CA10: variants seen among roughly 807,000 people sequenced by gnomAD.
CA10 encodes the protein carbonic anhydrase 10 (inactive).
In CA10, 14 loss-of-function variants were observed where a neutral mutation model predicts 44.2. That is an observed-to-expected ratio of 0.32 (90% confidence interval 0.21 to 0.50). The LOEUF is 0.50. CA10 is among the 20% of genes least tolerant of loss of function. CA10 has a pLI of 0.99. For missense variants in CA10, 350 were observed against 409.7 expected (o/e 0.85, Z 1.26); for synonymous variants, 159 against 141.6 (o/e 1.12, Z -0.87).
At chr17:51,971,855 C>A (rs535449469) in intron 2 of CA10, among the ~76,000 whole-genome samples, 59 of 151,790 alleles carry the variant, frequency 3.9e-4, no homozygotes, top group African/African-American at 1.4e-3. Flanking sequence ...AAATATTTTT[C>A]TTAGAAATTA....
intron 4 of CA10, among the ~76,000 whole-genome samples, chr17:51,682,668 C>G (rs549982410): frequency 6.6e-6 from 1 of 152,324 alleles, no homozygotes; most frequent in African/African-American, 2.4e-5. Context: ...CCCCACCTAC[C>G]CATGGCCATA....
At chr17:51,649,583 C>T (rs1268837892) in intron 5 of CA10, among the ~76,000 whole-genome samples, 2 of 152,198 alleles carry the variant, frequency 1.3e-5, no homozygotes, top group Non-Finnish European at 2.9e-5. Context: ...GTTAACAAAG[C>T]GTTCTGGTGA....
chr17:51,797,362 GCACGCACA>G (rs974948027), intron 3 of CA10, among the ~76,000 whole-genome samples: 2 of 152,174 alleles, frequency 1.3e-5, no homozygotes, highest in Non-Finnish European at 2.9e-5. Context: ...ACGCACGCGT[GCACGCACA>G]CACGCACACC....
chr17:52,082,618 G>C (rs1303033103), intron 1 of CA10, among the ~76,000 whole-genome samples: 1 of 152,156 alleles, frequency 6.6e-6, no homozygotes, highest in Non-Finnish European at 1.5e-5. Flanking sequence ...TCAAGGGACA[G>C]AAGTATATAT....
At chr17:51,684,434 G>T (rs1914943492) in intron 4 of CA10, among the ~76,000 whole-genome samples, 5 of 152,192 alleles carry the variant, frequency 3.3e-5, no homozygotes. Flanking sequence ...TATCAGTGGG[G>T]TGCTATTGTC....
At chr17:51,806,459 G>A (rs1907142279) in intron 3 of CA10, among the ~76,000 whole-genome samples, 1 of 152,114 alleles carries the variant, frequency 6.6e-6, no homozygotes, top group Admixed American at 6.5e-5. Flanking sequence ...CTCGTTTGGT[G>A]GATTGCATGG....
At chr17:51,926,628 G>C (rs1007369039) in intron 3 of CA10, among the ~76,000 whole-genome samples, 2 of 152,170 alleles carry the variant, frequency 1.3e-5, no homozygotes, top group African/African-American at 2.4e-5. Flanking sequence ...AGCTTCCAGA[G>C]GCCTCCTTGG....
At chr17:52,072,876 G>A (rs570508902) in intron 1 of CA10, among the ~76,000 whole-genome samples, 2 of 152,206 alleles carry the variant, frequency 1.3e-5, no homozygotes, top group African/African-American at 2.4e-5. Context: ...TAGGTCCCAG[G>A]AAAATGAAAA....
rs917048578 is a variant in CA10, at chr17:51,921,687, G to A, written c.279+9303C>T. Among the ~76,000 whole-genome samples the A allele has an allele frequency of 2.0e-5, 3 of 152,158 alleles. 1 individual carries two copies. The highest frequency in any genetic ancestry group is 6.6e-5 in the Admixed American group (1 of 15,266). ...AATGGCCTCACTTGTCATGGATGTA[G>A]AACCTCAGGTACTGTGTAATTAGAC... On this transcript the variant is annotated intron_variant, in intron 3 of 8. Transcript: ENST00000451037.
chr17:51,727,118 A>G (rs776129623), intron 4 of CA10, among the ~76,000 whole-genome samples: 7 of 151,992 alleles, frequency 4.6e-5, no homozygotes, highest in Admixed American at 1.3e-4. Context: ...ATCTTGGGGG[A>G]GGCAAGTTTG....
chr17:51,802,152 A>G (rs1329869943), intron 3 of CA10, among the ~76,000 whole-genome samples: 3 of 152,152 alleles, frequency 2.0e-5, no homozygotes, highest in Admixed American at 2.0e-4. Flanking sequence ...ATGCCTATCT[A>G]TGGATTTAGC....
intron 1 of CA10, among the ~76,000 whole-genome samples, chr17:52,124,310 C>T (rs1408854378): frequency 6.6e-6 from 1 of 152,122 alleles, no homozygotes; most frequent in Non-Finnish European, 1.5e-5. Context: ...TATTATTGGT[C>T]CCATTCTATG....
At chr17:51,904,714 A>T (rs1276596733) in intron 3 of CA10, among the ~76,000 whole-genome samples, 1 of 152,132 alleles carries the variant, frequency 6.6e-6, no homozygotes, top group Non-Finnish European at 1.5e-5. Flanking sequence ...TGCCTTCTCT[A>T]ATCTATCCCT....
At chr17:51,798,978 A>G (rs1906821328) in intron 3 of CA10, among the ~76,000 whole-genome samples, 1 of 152,208 alleles carries the variant, frequency 6.6e-6, no homozygotes, top group South Asian at 2.1e-4. Context: ...AGCCAGTCAA[A>G]TGCACAGGGT....
At chr17:51,874,121 G>A (rs1979942408) in intron 3 of CA10, among the ~76,000 whole-genome samples, 1 of 152,078 alleles carries the variant, frequency 6.6e-6, no homozygotes, top group Admixed American at 6.5e-5. Flanking sequence ...GAGTGTAGGG[G>A]AAATGTATAT....
chr17:52,125,808 T>C (rs917865290), intron 1 of CA10, among the ~76,000 whole-genome samples: 2 of 152,064 alleles, frequency 1.3e-5, no homozygotes, highest in Non-Finnish European at 2.9e-5. Context: ...AGTGCTTCCA[T>C]TGTTTGGGGG....
chr17:52,004,242 T>C (rs1985526916), intron 2 of CA10, among the ~76,000 whole-genome samples: 1 of 151,978 alleles, frequency 6.6e-6, no homozygotes, highest in South Asian at 2.1e-4. Context: ...TTCCCTATGT[T>C]ACCCTTTAGC....
Position 51,767,730 on chromosome 17 carries a change from T to C in CA10, c.280-19912A>G, listed in dbSNP as rs1053523920. On this transcript the variant is annotated intron_variant, in intron 3 of 8. Coordinates refer to ENST00000451037, the MANE Select transcript of CA10 (RefSeq NM_020178.5). ...AAAAGCAGTGGGAGCCCCGAGCTTT[T>C]TTTTTTTGCAACTAGATGGTCCCAT... is the stretch of plus-strand genomic sequence containing the variant. 7.9e-5 allele frequency among the ~76,000 whole-genome samples: 12 copies of C among 151,966 alleles called. 1 individual carries two copies. Among genetic ancestry groups the C allele is most frequent in the Non-Finnish European group, 1.8e-4 (12 of 67,974 alleles).
At chr17:51,814,002 G>C (rs1417647306) in intron 3 of CA10, among the ~76,000 whole-genome samples, 1 of 152,182 alleles carries the variant, frequency 6.6e-6, no homozygotes, top group Non-Finnish European at 1.5e-5. Context: ...GCCAAGGACA[G>C]AACCCACTGA....
Sources: allele counts gnomAD v4.1 joint callset (sites outside exome capture counted in the v4.1 genomes callset), GRCh38; gene constraint gnomAD v4.1.1; transcripts MANE v1.5; gene names NCBI Gene and HGNC (gene_info 2026-07-23, HGNC 2026-07-21).